Variants in TMEM178B observed in about 807,000 individuals in gnomAD.
TMEM178B encodes the protein transmembrane protein 178B.
In TMEM178B, 5 loss-of-function variants were observed where a neutral mutation model predicts 31.0. The ratio of observed to expected loss-of-function variants is 0.16; its 90% CI spans 0.08 to 0.34. TMEM178B has a LOEUF of 0.34. Ranked by LOEUF, TMEM178B falls within the 10% of genes least tolerant of loss-of-function variation. The probability of loss-of-function intolerance (pLI) is 1.00; values close to 1 mark genes in which losing one functional copy is unlikely to be tolerated. For missense variants in TMEM178B, 275 were observed against 400.3 expected (o/e 0.69, Z 2.67); for synonymous variants, 164 against 164.0 (o/e 1.00, Z 0.00).
At chr7:141,149,012 C>A (rs544875649) in intron 1 of TMEM178B, among the ~76,000 whole-genome samples, 1 of 151,990 alleles carries the variant, frequency 6.6e-6, no homozygotes, top group African/African-American at 2.4e-5. Flanking sequence ...AAGTGGAGGG[C>A]AGTAGGGAGT....
At chr7:141,311,717 T>C (rs1034161504) in intron 2 of TMEM178B, among the ~76,000 whole-genome samples, 37 of 152,232 alleles carry the variant, frequency 2.4e-4, no homozygotes, top group African/African-American at 8.7e-4. Context: ...TAAAACCCAT[T>C]GTGGGTATTT....
At chr7:141,175,461 A>G (rs1280007105) in intron 1 of TMEM178B, among the ~76,000 whole-genome samples, 2 of 152,296 alleles carry the variant, frequency 1.3e-5, no homozygotes, top group East Asian at 1.9e-4. Context: ...TTTTGGTTCC[A>G]TATGAAATTT....
At chr7:141,190,861 A>G (rs1343589731) in intron 1 of TMEM178B, among the ~76,000 whole-genome samples, 4 of 152,194 alleles carry the variant, frequency 2.6e-5, no homozygotes, top group East Asian at 1.9e-4. Context: ...TTTTATGCAT[A>G]GGCAAGCATA....
At chr7:141,305,056 C>A (rs1414797695) in intron 2 of TMEM178B, among the ~76,000 whole-genome samples, 1 of 152,164 alleles carries the variant, frequency 6.6e-6, no homozygotes, top group Non-Finnish European at 1.5e-5. Context: ...TATGCTATTG[C>A]CAGATTAATG....
At chr7:141,463,996 G>A (rs1353360477) in intron 3 of TMEM178B, among the ~76,000 whole-genome samples, 5 of 152,178 alleles carry the variant, frequency 3.3e-5, no homozygotes, top group Non-Finnish European at 7.3e-5. Flanking sequence ...CTTTGAGGGC[G>A]AAAGTAGAAG....
intron 1 of TMEM178B, among the ~76,000 whole-genome samples, chr7:141,162,870 G>A (rs187351859): frequency 3.6e-4 from 55 of 152,322 alleles, no homozygotes; most frequent in Middle Eastern, 3.4e-3. Context: ...GGTGCCAAGC[G>A]TGCATGTGGA....
rs150144736 is a variant in TMEM178B, at chr7:141,168,749, G to A, written c.383-43842G>A. 6.4e-3 allele frequency among the ~76,000 whole-genome samples: 972 copies of A among 151,984 alleles called. 15 individuals are homozygous for A. The highest frequency in any genetic ancestry group is 0.022 in the African/African-American group (920 of 41,444). On this transcript the variant is annotated intron_variant, in intron 1 of 3. Transcript: ENST00000565468. Reference sequence around the variant, plus strand: ...CATGCCACAGCACTCCAGCCTGGGCGACAGAGGGAGACTCTGTCCCCCAAA... The same window carrying A: ...CATGCCACAGCACTCCAGCCTGGGCAACAGAGGGAGACTCTGTCCCCCAAA...
chr7:141,338,907 A>C (rs1799469886), intron 2 of TMEM178B, among the ~76,000 whole-genome samples: 1 of 152,222 alleles, frequency 6.6e-6, no homozygotes, highest in South Asian at 2.1e-4. Context: ...GCCCATCACA[A>C]ATAACTGTGC....
intron 2 of TMEM178B, among the ~76,000 whole-genome samples, chr7:141,271,332 A>G (rs887161312): frequency 6.6e-6 from 1 of 152,152 alleles, no homozygotes; most frequent in African/African-American, 2.4e-5. Context: ...AGGGGAAGGA[A>G]TGAGGGGGCA....
intron 2 of TMEM178B, among the ~76,000 whole-genome samples, chr7:141,384,589 A>G (rs1356330912): frequency 6.6e-6 from 1 of 152,182 alleles, no homozygotes; most frequent in African/African-American, 2.4e-5. Flanking sequence ...CTGTTTTGGT[A>G]CCAGTACCAT....
chr7:141,207,878 G>A (rs1196922180), intron 1 of TMEM178B, among the ~76,000 whole-genome samples: 5 of 152,106 alleles, frequency 3.3e-5, no homozygotes, highest in African/African-American at 1.2e-4. Context: ...GCAACATAGT[G>A]AGACCCCATC....
intron 2 of TMEM178B, among the ~76,000 whole-genome samples, chr7:141,325,242 C>A (rs1799168512): frequency 6.6e-6 from 1 of 152,180 alleles, no homozygotes; most frequent in Non-Finnish European, 1.5e-5. Flanking sequence ...AGACATGCAT[C>A]TTTGTGAAGC....
chr7:141,185,909 C>T (rs1796603013), intron 1 of TMEM178B, among the ~76,000 whole-genome samples: 1 of 152,034 alleles, frequency 6.6e-6, no homozygotes, highest in South Asian at 2.1e-4. Context: ...CAATCAGAGA[C>T]CTGCACAGAG....
chr7:141,417,086 C>T (rs192761928), intron 2 of TMEM178B, among the ~76,000 whole-genome samples: 3 of 152,280 alleles, frequency 2.0e-5, no homozygotes, highest in Non-Finnish European at 4.4e-5. Context: ...AGTGCACTGT[C>T]GACGGTTCCT....
chr7:141,327,020 C>T (rs554813365), intron 2 of TMEM178B, among the ~76,000 whole-genome samples: 1 of 152,290 alleles, frequency 6.6e-6, no homozygotes, highest in East Asian at 1.9e-4. Context: ...TAGATCAAAC[C>T]ATGAAATTCT....
At chr7:141,359,885 C>G (rs1799888106) in intron 2 of TMEM178B, among the ~76,000 whole-genome samples, 1 of 152,174 alleles carries the variant, frequency 6.6e-6, no homozygotes, top group African/African-American at 2.4e-5. Context: ...AGGCGAAAGG[C>G]ACAAGGCATG....
At chr7:141,264,291 C>T (rs927721911) in intron 2 of TMEM178B, among the ~76,000 whole-genome samples, 12 of 152,202 alleles carry the variant, frequency 7.9e-5, no homozygotes, top group South Asian at 6.2e-4. Flanking sequence ...GCCTTAGAGA[C>T]GACCTCCCAG....
chr7:141,236,802 A>C (rs1797535492), intron 2 of TMEM178B, among the ~76,000 whole-genome samples: 1 of 152,242 alleles, frequency 6.6e-6, no homozygotes, highest in Admixed American at 6.5e-5. Flanking sequence ...ACAAAGGAAA[A>C]GATTGATAGG....
intron 2 of TMEM178B, among the ~76,000 whole-genome samples, chr7:141,268,869 G>A (rs1423694436): frequency 2.0e-5 from 3 of 152,176 alleles, no homozygotes; most frequent in Non-Finnish European, 4.4e-5. Context: ...GGGCCAAAGA[G>A]CAATAACACC....
Sources: gnomAD v4.1 joint callset for allele counts (sites outside exome capture counted in the v4.1 genomes callset) on GRCh38, gnomAD v4.1.1 for gene constraint, MANE v1.5 for transcripts, NCBI Gene and HGNC (gene_info 2026-07-23, HGNC 2026-07-21) for gene names.